Variants in DHX30 observed in about 807,000 individuals in gnomAD.
The protein encoded by DHX30 is ATP-dependent RNA helicase DHX30.
Under a neutral mutation model 116.9 loss-of-function variants are expected in DHX30, and 4 were observed. The observed-to-expected ratio is 0.03, with a 90% CI of 0.02 to 0.08. DHX30 has a LOEUF of 0.08. DHX30 is among the 10% of genes least tolerant of loss of function. DHX30 has a pLI of 1.00. For missense variants in DHX30, 871 were observed against 1,595.1 expected (o/e 0.55, Z 7.73); for synonymous variants, 697 against 651.7 (o/e 1.07, Z -1.06).
At chr3:47,822,638 A>T (rs1395696775) in intron 4 of DHX30, among the ~76,000 whole-genome samples, 1 of 151,804 alleles carries the variant, frequency 6.6e-6, no homozygotes, top group African/African-American at 2.4e-5. Context: ...TACAAAAATT[A>T]GCTGGGCATG....
rs1464835988 is a variant in DHX30, at chr3:47,841,101, A to G, written c.591A>G (p.Leu197=). 2 of 1,614,078 alleles carry G rather than the reference A, an allele frequency of 1.2e-6. No individual in the cohort carries two copies. Among genetic ancestry groups the G allele is most frequent in the African/African-American group, 1.3e-5 (1 of 74,918 alleles). The stretch of plus-strand genomic sequence containing the variant: ...AAGAGGAGGACGAGGAGGAAGAGCT[A>G]GAAGAAGGGACCATAGATGTTACCG... ...REEEEDEEEE[L]EEGTIDVTDF... The change falls in exon 7 of 22, where the codon CTA becomes CTG. Residue 197 remains leucine, a synonymous_variant. Coordinates refer to ENST00000445061, the MANE Select transcript of DHX30 (RefSeq NM_138615.3).
chr3:47,833,532 T>C, intron 6 of DHX30, among the ~76,000 whole-genome samples: 1 of 69,764 alleles, frequency 1.4e-5, no homozygotes, highest in African/African-American at 8.0e-5. Context: ...ACTCTCTCTC[T>C]CTCTCAAAAA....
In DHX30 at chr3:47,849,181, T is replaced by C; in HGVS notation, c.2930-11T>C. 6.2e-7 allele frequency: 1 copy of C among 1,613,562 alleles called. No individual in the cohort carries two copies. Among genetic ancestry groups the C allele is most frequent in the Non-Finnish European group, 8.5e-7 (1 of 1,179,796 alleles). On this transcript the variant is annotated splice_polypyrimidine_tract_variant and intron_variant, in intron 18 of 21. Coordinates refer to ENST00000445061, the MANE Select transcript of DHX30 (RefSeq NM_138615.3). ...GGGGCTGTAGGTCCACCACACATTC[T>C]GTCTCCCTAGGACTCATCAAGCAGT...
At chr3:47,825,179 A>G in intron 4 of DHX30, 1 of 662,796 alleles carries the variant, frequency 1.5e-6, no homozygotes, top group Non-Finnish European at 2.7e-6. Context: ...CACACCAAGG[A>G]AGCCGCCGAG....
intron 1 of DHX30, among the ~76,000 whole-genome samples, chr3:47,803,491 G>A (rs1362330044): frequency 1.3e-5 from 2 of 152,186 alleles, no homozygotes; most frequent in Non-Finnish European, 2.9e-5. Context: ...TCGCAGCCAG[G>A]GGCTCCGCGG....
chr3:47,817,148 C>T (rs1385126270), intron 3 of DHX30, among the ~76,000 whole-genome samples: 1 of 152,152 alleles, frequency 6.6e-6, no homozygotes, highest in Non-Finnish European at 1.5e-5. Context: ...TCTCTGCTCC[C>T]CTTCTACCCC....
intron 3 of DHX30, among the ~76,000 whole-genome samples, chr3:47,811,076 A>G (rs961749592): frequency 2.0e-5 from 3 of 150,584 alleles, no homozygotes; most frequent in African/African-American, 7.3e-5. Flanking sequence ...CAGCCTCCGT[A>G]GTAGCTGGGA....
At chr3:47,846,075 A>G in intron 10 of DHX30, 90 bp from the exon 11 acceptor site, 1 of 1,472,910 alleles carries the variant, frequency 6.8e-7, no homozygotes, top group Admixed American at 1.9e-5. Flanking sequence ...GGGCCACAAC[A>G]TCTGACCCAG....
intron 3 of DHX30, chr3:47,816,762 C>A: frequency 2.0e-6 from 2 of 985,454 alleles, no homozygotes; most frequent in Non-Finnish European, 2.4e-6. Flanking sequence ...GCAGCTGGGA[C>A]TGTGGGGGAG....
At position 47,849,898 on chromosome 3, in the gene DHX30, C is replaced by T. The variant is rs773543757; in HGVS notation, c.3363C>T (p.Ser1121=). 3.3e-5 allele frequency: 53 copies of T among 1,613,336 alleles called. No individual in the cohort carries two copies. The East Asian group carries it at 4.5e-4, about 14-fold the overall frequency. Reference sequence around the variant, plus strand: ...GGCGCCGGGCCACCATCTCACTGAGCGACAGTGACCTGCTGCGGCTGGAGG... The same window carrying T: ...GGCGCCGGGCCACCATCTCACTGAGTGACAGTGACCTGCTGCGGCTGGAGG... ...DDGRRATISL[S]DSDLLRLEGD... Residue 1121 remains serine (S), a synonymous_variant, in exon 22 of 22, where the codon AGC becomes AGT. Transcript: ENST00000445061.
chr3:47,830,081 C>T (rs1272803996), intron 6 of DHX30, among the ~76,000 whole-genome samples: 2 of 151,004 alleles, frequency 1.3e-5, no homozygotes, highest in Admixed American at 6.6e-5. Flanking sequence ...CTGCCTACCT[C>T]GGCCTCCCAA....
intron 10 of DHX30, 131 bp from the exon 11 acceptor site, chr3:47,846,034 T>C: frequency 2.2e-6 from 3 of 1,391,944 alleles, no homozygotes; most frequent in Non-Finnish European, 2.9e-6. Flanking sequence ...GGGGCAGTCA[T>C]GGACTAAATT....
chr3:47,820,364 C>T (rs1482742988), intron 4 of DHX30, among the ~76,000 whole-genome samples: 1 of 152,038 alleles, frequency 6.6e-6, no homozygotes, highest in Non-Finnish European at 1.5e-5. Flanking sequence ...GCCATGAGGA[C>T]GGATGACCTG....
intron 18 of DHX30, 45 bp from the exon 19 acceptor site, chr3:47,849,147 C>T: frequency 1.9e-6 from 3 of 1,613,294 alleles, no homozygotes; most frequent in Non-Finnish European, 2.5e-6. Context: ...CACCTCCAGC[C>T]TGTGGCTAGG....
intron 2 of DHX30, among the ~76,000 whole-genome samples, chr3:47,809,535 C>CG (rs1163757346): frequency 6.6e-6 from 1 of 151,896 alleles, no homozygotes. Context: ...TGAGCCACCG[C>CG]GCCTGGCCGG....
chr3:47,807,169 G>A (rs1337066183), intron 2 of DHX30, among the ~76,000 whole-genome samples: 3 of 151,858 alleles, frequency 2.0e-5, no homozygotes, highest in South Asian at 4.2e-4. Flanking sequence ...TCATGCCATT[G>A]CACTCCAGCC....
intron 2 of DHX30, among the ~76,000 whole-genome samples, chr3:47,807,296 C>T (rs1046917849): frequency 1.2e-4 from 18 of 152,118 alleles, no homozygotes; most frequent in Admixed American, 7.2e-4. Context: ...TAAATTCTGT[C>T]TCTAAAAGAT....
At chr3:47,816,832 A>G in intron 3 of DHX30, 1 of 985,372 alleles carries the variant, frequency 1.0e-6, no homozygotes, top group South Asian at 4.7e-5. Flanking sequence ...AATTTCAAAA[A>G]TACTGAAACA....
intron 6 of DHX30, chr3:47,831,138 T>C (rs1045388078): frequency 1.1e-4 from 16 of 145,072 alleles, no homozygotes; most frequent in Non-Finnish European, 1.8e-4. Flanking sequence ...AAAAAAGAGG[T>C]TTATTTGTCT....
Sources: allele counts gnomAD v4.1 joint callset (sites outside exome capture counted in the v4.1 genomes callset), GRCh38; gene constraint gnomAD v4.1.1; transcripts MANE v1.5; gene names NCBI Gene and HGNC (gene_info 2026-07-23, HGNC 2026-07-21).